Variants in LRIG2 observed in about 807,000 individuals in gnomAD.
LRIG2 encodes the protein leucine-rich repeats and immunoglobulin-like domains protein 2.
LRIG2 carries 93 observed loss-of-function variants against 107.8 expected under a neutral mutation model. The ratio of observed to expected loss-of-function variants is 0.86; its 90% confidence interval spans 0.73 to 1.03. The LOEUF is 1.03. Among genes scored for constraint, LRIG2 ranks in the 50% least tolerant of loss-of-function variants. The pLI, the probability that LRIG2 is intolerant of heterozygous loss-of-function variation, is 0.00. For synonymous variants in LRIG2, 471 were observed against 470.6 expected (o/e 1.00, Z -0.01); for missense variants, 1,226 against 1,296.0 (o/e 0.95, Z 0.83).
chr1:113,096,905 T>C (rs972014079), intron 8 of LRIG2, among the ~76,000 whole-genome samples: 1 of 152,180 alleles, frequency 6.6e-6, no homozygotes, highest in Non-Finnish European at 1.5e-5. Context: ...GAAATTTAAA[T>C]AATTTTCTCT....
At chr1:113,078,046 C>A (rs1653069416) in intron 1 of LRIG2, among the ~76,000 whole-genome samples, 1 of 151,936 alleles carries the variant, frequency 6.6e-6, no homozygotes, top group African/African-American at 2.4e-5. Flanking sequence ...TCATCCATGT[C>A]CCTTCAAAGG....
intron 1 of LRIG2, among the ~76,000 whole-genome samples, chr1:113,088,811 T>C (rs182624452): frequency 9.3e-4 from 141 of 152,364 alleles, no homozygotes; most frequent in Non-Finnish European, 1.4e-3. Context: ...TTTTCACTTA[T>C]ATTTTTATAC....
chr1:113,073,412 G>C lies in LRIG2; in HGVS notation c.6G>C (p.Ala2=), dbSNP rs140301079. Residue 2 remains alanine, a synonymous_variant, in exon 1 of 18, where the codon GCG becomes GCC. Coordinates refer to ENST00000361127, the MANE Select transcript of LRIG2 (RefSeq NM_014813.3). ...CGTCCAGGTCGAGGGGGAAAATGGC[G>C]CCGGCGCCCCTAGGCGTCCCGGAGG... is the stretch of plus-strand genomic sequence containing the variant. M[A]PAPLGVPEEQ... 1,158 of 1,613,456 alleles carry C rather than the reference G, an allele frequency of 7.2e-4. 11 individuals carry two copies. The Middle Eastern group carries it at 0.031, about 43-fold the overall frequency.
intron 11 of LRIG2, among the ~76,000 whole-genome samples, chr1:113,106,580 C>T (rs747001625): frequency 6.6e-6 from 1 of 152,102 alleles, no homozygotes; most frequent in Non-Finnish European, 1.5e-5. Context: ...TCTCGGCTCA[C>T]TGCAACTTCT....
intron 15 of LRIG2, 92 bp from the exon 16 acceptor site, chr1:113,116,195 A>G (rs1655000418): frequency 9.4e-7 from 1 of 1,066,988 alleles, no homozygotes; most frequent in Non-Finnish European, 1.4e-6. Context: ...TTTCTTGCTA[A>G]TAGTATCAAA....
chr1:113,090,662 C>T (rs1653764081), intron 1 of LRIG2, among the ~76,000 whole-genome samples: 1 of 151,148 alleles, frequency 6.6e-6, no homozygotes, highest in Non-Finnish European at 1.5e-5. Context: ...ATGGTGAAAC[C>T]CCGTCTCTAC....
At chr1:113,115,064 C>T (rs1654946270) in intron 15 of LRIG2, among the ~76,000 whole-genome samples, 188 bp downstream of exon 15, 1 of 152,170 alleles carries the variant, frequency 6.6e-6, no homozygotes, top group Non-Finnish European at 1.5e-5. Context: ...GGCAACATAG[C>T]AAGACCTCAT....
rs770611899 is a variant in LRIG2 at position 113,123,913 on chromosome 1, C to G, written c.3010C>G (p.Leu1004Val). The G allele has an allele frequency of 1.2e-6, 2 of 1,614,116 alleles. No homozygotes were observed. The highest frequency in any genetic ancestry group is 1.7e-6 in the Non-Finnish European group (2 of 1,180,020). The change falls in exon 18 of 18, where the codon CTA becomes GTA. Residue 1004 changes from leucine to valine, a missense_variant. Physicochemically the swap from Leu to Val is conservative, Grantham distance 32. This residue lies in a region of LRIG2 where 642 missense variants were observed against 712.2 expected (regional missense o/e 0.90). Coordinates refer to ENST00000361127, the MANE Select transcript of LRIG2 (RefSeq NM_014813.3). ...GCCCGTGTGGAACATAAACAGAGAA[C>G]TAGGCCTGCCTCATCCTCCTTTTTC... ...QRPVWNINRE[L>V]GLPHPPFSQQ...
chr1:113,110,365 G>T lies in LRIG2; in HGVS notation c.1601G>T (p.Arg534Leu). 6.2e-7 allele frequency: 1 copy of T among 1,614,090 alleles called. No homozygotes were observed. The highest frequency in any genetic ancestry group is 1.1e-5 in the South Asian group (1 of 91,080). ...GATTCACCCATGTCCACTGTGTGGC[G>T]CAAAGACAGTGAAATCCTGTATGAC... ...SSDSPMSTVW[R>L]KDSEILYDVD... The change falls in exon 13 of 18, where the codon CGC becomes CTC. Residue 534 changes from arginine (R) to leucine (L), a missense_variant. By Grantham distance (102) the Arg-to-Leu change is moderately radical. Around this residue, in one of 3 missense-constraint regions of LRIG2, gnomAD observed 642 missense variants for 712.2 expected, o/e 0.90. Transcript: ENST00000361127.
rs1299030398 is a variant in LRIG2 at position 113,107,590 on chromosome 1, G to T, written c.1314-4G>T. 2.5e-6 allele frequency: 4 copies of T among 1,602,896 alleles called. No homozygotes were observed. The highest frequency in any genetic ancestry group is 3.4e-6 in the Non-Finnish European group (4 of 1,177,328). On this transcript the variant is annotated splice_polypyrimidine_tract_variant and splice_region_variant and intron_variant, in intron 11 of 17. Transcript: ENST00000361127. Reference sequence around the variant, plus strand: ...GGATGCTTTTCCTCTTTTCTTTCCTGCAGGATTCTGAACACAAGCAGTTTG... The same window carrying T: ...GGATGCTTTTCCTCTTTTCTTTCCTTCAGGATTCTGAACACAAGCAGTTTG...
At chr1:113,119,141 C>T in intron 16 of LRIG2, 92 bp from the exon 17 acceptor site, 1 of 1,186,144 alleles carries the variant, frequency 8.4e-7, no homozygotes, top group Non-Finnish European at 1.2e-6. Context: ...TACATGCTAG[C>T]AATGATGATG....
In LRIG2 at chr1:113,110,407, T is replaced by A. The variant is rs757392238; in HGVS notation, c.1643T>A (p.Phe548Tyr). 2 of 1,614,190 alleles carry A rather than the reference T, an allele frequency of 1.2e-6. No individual in the cohort carries two copies. The highest frequency in any genetic ancestry group is 2.7e-5 in the African/African-American group (2 of 75,050). The stretch of plus-strand genomic sequence containing the variant: ...CTGTATGACGTGGATACTGAGAATT[T>A]TGTTCGTTATTGGCAGCAAGCTGGA... ...EILYDVDTEN[F>Y]VRYWQQAGEA... is the part of the protein sequence containing the mutation. The change falls in exon 13 of 18, where the codon TTT (phenylalanine) becomes TAT (tyrosine). Residue 548 changes from phenylalanine (F) to tyrosine (Y), a missense_variant. Around this residue, in one of 3 missense-constraint regions of LRIG2, gnomAD observed 642 missense variants for 712.2 expected, o/e 0.90. Coordinates refer to ENST00000361127, the MANE Select transcript of LRIG2 (RefSeq NM_014813.3).
At chr1:113,093,937 C>T (rs1275061861) in intron 4 of LRIG2, among the ~76,000 whole-genome samples, 3 of 152,108 alleles carry the variant, frequency 2.0e-5, no homozygotes, top group Non-Finnish European at 4.4e-5. Context: ...CCCCACAAGC[C>T]CCCTAAAGAA....
chr1:113,123,823 G>T, intron 17 of LRIG2, 52 bp from the exon 18 acceptor site: 1 of 1,468,268 alleles, frequency 6.8e-7, no homozygotes, highest in Admixed American at 1.8e-5. Flanking sequence ...TTGGCTAAAA[G>T]GATATTAAGT....
At chr1:113,080,836 GT>G (rs1007236694) in intron 1 of LRIG2, among the ~76,000 whole-genome samples, 224 of 84,606 alleles carry the variant, frequency 2.6e-3, no homozygotes, top group African/African-American at 4.6e-3. Context: ...AACACTAAAA[GT>G]TTTTTTTTTT....
chr1:113,084,770 A>T (rs1348080786), intron 1 of LRIG2, among the ~76,000 whole-genome samples: 1 of 152,228 alleles, frequency 6.6e-6, no homozygotes, highest in Non-Finnish European at 1.5e-5. Context: ...TTCAATCCTG[A>T]TGGAAAACTG....
chr1:113,085,579 C>T (rs538241608), intron 1 of LRIG2, among the ~76,000 whole-genome samples: 38 of 152,304 alleles, frequency 2.5e-4, no homozygotes, highest in African/African-American at 8.9e-4. Flanking sequence ...CCACTGTGCG[C>T]GGTCTATCCT....
chr1:113,073,374 C>T lies in LRIG2; in HGVS notation c.-33C>T, dbSNP rs201633064. On this transcript the variant is annotated 5_prime_UTR_variant, in exon 1 of 18. Transcript: ENST00000361127. ...CCGATCCTCCTTTTCTAGCAGGCAG[C>T]TCTTCTAGGCCACGTCCAGGTCGAG... The T allele has an allele frequency of 9.6e-6, 15 of 1,560,154 alleles. No homozygotes were observed. The South Asian group carries it at 1.3e-4, about 14-fold the overall frequency.
intron 1 of LRIG2, among the ~76,000 whole-genome samples, chr1:113,074,210 T>G (rs1369947643): frequency 1.3e-5 from 2 of 152,234 alleles, no homozygotes; most frequent in Non-Finnish European, 2.9e-5. Context: ...GGAGATCCTG[T>G]AATTCAGAAT....
Sources: gnomAD v4.1 joint callset for allele counts (sites outside exome capture counted in the v4.1 genomes callset) on GRCh38, gnomAD v4.1.1 for gene constraint, gnomAD v4.1.1 regional missense constraint, MANE v1.5 for transcripts, NCBI Gene and HGNC (gene_info 2026-07-23, HGNC 2026-07-21) for gene names.